The following ZNF845 variants were observed in gnomAD, a reference collection of about 807,000 sequenced individuals.
ZNF845 encodes the protein zinc finger protein 845.
In ZNF845, 59 loss-of-function variants were observed where a neutral mutation model predicts 76.1. The ratio of observed to expected loss-of-function variants is 0.78; its 90% CI spans 0.63 to 0.96. The LOEUF (loss-of-function observed/expected upper bound fraction) is 0.96, where lower values mean the gene tolerates loss of function less well. Ranked by LOEUF, ZNF845 falls within the 40% of genes least tolerant of loss-of-function variation. ZNF845 has a pLI of 0.00. For missense variants in ZNF845, 1,045 were observed against 1,172.8 expected, an observed-to-expected ratio of 0.89 and a Z score of 1.59; for synonymous variants, 361 against 386.9, an observed-to-expected ratio of 0.93 and a Z score of 0.78.
Position 53,351,501 on chromosome 19 carries a change from T to C in ZNF845, c.826T>C (p.Cys276Arg), listed in dbSNP as rs780394233. 17 of 1,614,128 alleles carry C rather than the reference T, an allele frequency of 1.1e-5. No individual in the cohort carries two copies. Among genetic ancestry groups the C allele is most frequent in the Admixed American group, 3.3e-5 (2 of 60,004 alleles). The change falls in exon 4 of 4, where the codon TGT (cysteine) becomes CGT (arginine). Residue 276 changes from cysteine to arginine, a missense_variant. Physicochemically the swap from Cys to Arg is radical, Grantham distance 180. Transcript: ENST00000458035. ...TGKKPYKCNDCGKTFSQELTL... is the reference protein window; with the variant it reads ...TGKKPYKCNDRGKTFSQELTL... ...CAAGAAACCTTACAAGTGTAATGATTGTGGCAAGACCTTCAGTCAGGAGTT... is the reference window on the plus strand; with the variant it reads ...CAAGAAACCTTACAAGTGTAATGATCGTGGCAAGACCTTCAGTCAGGAGTT...
rs746304286 is a variant in ZNF845 at position 53,341,317 on chromosome 19, T to C, written c.10T>C (p.Ser4Pro). Reference sequence around the variant, plus strand: ...AGCAAAGGAGTCAGGGATGGCTCTTTCTCAGGTGAGATGATATGTTGGGTG... The same window carrying C: ...AGCAAAGGAGTCAGGGATGGCTCTTCCTCAGGTGAGATGATATGTTGGGTG... The part of the protein sequence containing the change: MAL[S>P]QGLLTFRDVA... The change falls in exon 2 of 4, where the codon TCT (serine) becomes CCT (proline). Residue 4 changes from serine to proline, a missense_variant. Transcript: ENST00000458035. 18 of 1,613,896 alleles carry C rather than the reference T, an allele frequency of 1.1e-5. No homozygotes were observed. The South Asian group carries it at 1.6e-4, about 15-fold the overall frequency.
intron 1 of ZNF845, among the ~76,000 whole-genome samples, chr19:53,338,657 G>A (rs112994564): frequency 9.8e-6 from 1 of 102,136 alleles, no homozygotes; most frequent in Non-Finnish European, 2.2e-5. Context: ...TGGTGATGAC[G>A]CTCTACTGGC....
At chr19:53,335,855 G>A (rs1197797805) in intron 1 of ZNF845, among the ~76,000 whole-genome samples, 4 of 151,784 alleles carry the variant, frequency 2.6e-5, no homozygotes, top group African/African-American at 4.8e-5. Context: ...ACCCGCCTTG[G>A]CCCCCCAAAT....
In ZNF845 at chr19:53,355,175, G is replaced by A. The variant is rs1236139603; in HGVS notation, c.*1587G>A. 6.6e-6 allele frequency: 1 copy of A among 151,958 alleles called. No individual in the cohort carries two copies. The highest frequency in any genetic ancestry group is 2.4e-5 in the African/African-American group (1 of 41,358). The allele number at this position is 151,958 out of a possible 1,614,324, so 9.4% of individuals were successfully genotyped here. A position where few individuals can be genotyped will look rare whatever the true frequency, so the allele number is the denominator to read the frequency against. ...GATCCGCCCCCATCAGCATCCCAAA[G>A]TTCTGGGATTACAGGTGTGAGCCAC... On this transcript the variant is annotated 3_prime_UTR_variant, in exon 4 of 4. Transcript: ENST00000458035.
intron 1 of ZNF845, among the ~76,000 whole-genome samples, chr19:53,340,165 C>T (rs914014505): frequency 1.3e-5 from 2 of 152,240 alleles, no homozygotes; most frequent in African/African-American, 4.8e-5. Flanking sequence ...GATTCTCATG[C>T]CTCAGCCTCC....
At chr19:53,334,230 G>A (rs2085196770) in intron 1 of ZNF845, among the ~76,000 whole-genome samples, 1 of 152,258 alleles carries the variant, frequency 6.6e-6, no homozygotes, top group East Asian at 1.9e-4. Flanking sequence ...AGCCCGCGTT[G>A]GGGAGGTGCC....
intron 1 of ZNF845, among the ~76,000 whole-genome samples, chr19:53,334,922 G>A (rs2085202890): frequency 6.6e-6 from 1 of 152,098 alleles, no homozygotes; most frequent in African/African-American, 2.4e-5. Context: ...AGATTAAAAG[G>A]GGTGGGGGAC....
chr19:53,341,548 C>T (rs1276943089), intron 2 of ZNF845, among the ~76,000 whole-genome samples: 1 of 146,920 alleles, frequency 6.8e-6, no homozygotes, highest in Non-Finnish European at 1.5e-5. Flanking sequence ...GGGAAGGGCT[C>T]ACACCGAGAC....
At chr19:53,338,908 A>G (rs190348644) in intron 1 of ZNF845, among the ~76,000 whole-genome samples, 378 of 142,232 alleles carry the variant, frequency 2.7e-3, no homozygotes, top group African/African-American at 9.3e-3. Context: ...GTGAAATCCC[A>G]TCTCTACTAA....
intron 2 of ZNF845, 62 bp downstream of exon 2, chr19:53,341,384 A>G (rs1464886853): frequency 6.2e-7 from 1 of 1,608,048 alleles, no homozygotes; most frequent in Non-Finnish European, 8.5e-7. Flanking sequence ...TGGGCCTTGG[A>G]GTTGGGAATC....
chr19:53,339,904 G>A (rs1417698440), intron 1 of ZNF845, among the ~76,000 whole-genome samples: 1 of 152,074 alleles, frequency 6.6e-6, no homozygotes, highest in Non-Finnish European at 1.5e-5. Context: ...TTTATTTGAG[G>A]TGGAGTCTCA....
At chr19:53,334,736 CA>C (rs2085201607) in intron 1 of ZNF845, among the ~76,000 whole-genome samples, 2 of 114,144 alleles carry the variant, frequency 1.8e-5, no homozygotes, top group Non-Finnish European at 1.8e-5. Flanking sequence ...CCCCCCCCCC[CA>C]TCTCTGTCAA....
In ZNF845 at chr19:53,345,633, G is replaced by A. The variant is rs543757158; in HGVS notation, c.142+1G>A. 114 of 1,613,034 alleles carry A rather than the reference G, an allele frequency of 7.1e-5. No homozygotes were observed. In the South Asian group the frequency reaches 1.2e-3, roughly 18 times the overall value. On this transcript the variant is annotated splice_donor_variant, in intron 3 of 3. Coordinates refer to ENST00000458035, the MANE Select transcript of ZNF845 (RefSeq NM_138374.3). LOFTEE classifies it high-confidence loss of function. ...AATTATAGGAACCTGGTCTCCCTGG[G>A]TGAGGATAACTTCCCTCCAGAAGTG...
chr19:53,346,950 C>G (rs1472007440), intron 3 of ZNF845, among the ~76,000 whole-genome samples: 2 of 152,144 alleles, frequency 1.3e-5, no homozygotes, highest in African/African-American at 4.8e-5. Context: ...ATGGCACAAT[C>G]TCAGGTCACT....
chr19:53,342,844 G>A (rs2147035475), intron 2 of ZNF845, among the ~76,000 whole-genome samples: 1 of 152,100 alleles, frequency 6.6e-6, no homozygotes, highest in South Asian at 2.1e-4. Context: ...TTGAGACTGA[G>A]TTTTGCTCTT....
chr19:53,337,779 T>C (rs1357432256), intron 1 of ZNF845, among the ~76,000 whole-genome samples: 1 of 152,094 alleles, frequency 6.6e-6, no homozygotes, highest in African/African-American at 2.4e-5. Context: ...TTGGTCAGGC[T>C]GGTCTCGAAC....
At chr19:53,348,952 G>T (rs10426578) in intron 3 of ZNF845, among the ~76,000 whole-genome samples, 50,613 of 147,052 alleles carry the variant, frequency 0.34, 8,921 homozygotes, top group East Asian at 0.48. Flanking sequence ...CACCGCCTGG[G>T]TTCAAACGAT....
At chr19:53,337,114 T>C (rs543123388) in intron 1 of ZNF845, 8 of 456,942 alleles carry the variant, frequency 1.8e-5, no homozygotes, top group Non-Finnish European at 3.1e-5. Flanking sequence ...CTTGCCCTCA[T>C]CGCATGACTG....
chr19:53,350,895 T>C lies in ZNF845; in HGVS notation c.220T>C (p.Leu74=). The C allele has an allele frequency of 6.2e-7, 1 of 1,614,150 alleles. No individual in the cohort carries two copies. The highest frequency in any genetic ancestry group is 8.5e-7 in the Non-Finnish European group (1 of 1,180,032). ...GNTEVIHTGT[L]QRHERHHIGD... is the part of the protein sequence containing the mutation. ...TACAGAAGTGATCCACACAGGGACATTGCAAAGACATGAACGTCATCACAT... is the reference window on the plus strand; with the variant it reads ...TACAGAAGTGATCCACACAGGGACACTGCAAAGACATGAACGTCATCACAT... The change falls in exon 4 of 4, where the codon TTG becomes CTG. Residue 74 remains leucine (L), a synonymous_variant. Transcript: ENST00000458035.
Sources: allele counts gnomAD v4.1 joint callset (sites outside exome capture counted in the v4.1 genomes callset), GRCh38; gene constraint gnomAD v4.1.1; transcripts MANE v1.5; gene names NCBI Gene and HGNC (gene_info 2026-07-23, HGNC 2026-07-21).